Variants in PLBD1 observed in about 807,000 individuals in gnomAD.
PLBD1 encodes the protein phospholipase B domain containing 1.
A neutral mutation model predicts 63.0 loss-of-function variants in PLBD1; 60 were observed. The observed-to-expected ratio is 0.95, with a 90% CI of 0.77 to 1.18. The LOEUF (loss-of-function observed/expected upper bound fraction) is 1.18, where lower values mean the gene tolerates loss of function less well. PLBD1 is among the 50% of genes most tolerant of loss of function. The probability of loss-of-function intolerance (pLI) is 0.00; values close to 1 mark genes in which losing one functional copy is unlikely to be tolerated. For synonymous variants in PLBD1, 262 were observed against 248.0 expected (o/e 1.06, Z -0.53); for missense variants, 598 against 677.9 (o/e 0.88, Z 1.31).
intron 10 of PLBD1, among the ~76,000 whole-genome samples, chr12:14,504,371 T>G (rs1466615568): frequency 6.6e-6 from 1 of 152,226 alleles, no homozygotes; most frequent in Non-Finnish European, 1.5e-5. Flanking sequence ...AACAAAATTT[T>G]CTTGCCATTT....
At chr12:14,536,489 T>G in intron 5 of PLBD1, 81 bp downstream of exon 5, 55 of 1,465,512 alleles carry the variant, frequency 3.8e-5, no homozygotes, top group Middle Eastern at 1.8e-4. Flanking sequence ...CCAGGGGTGA[T>G]GAGATGTTGC....
chr12:14,517,335 C>T lies in PLBD1; in HGVS notation c.845-5624G>A, dbSNP rs550401539. 4.6e-5 allele frequency among the ~76,000 whole-genome samples: 7 copies of T among 152,070 alleles called. No homozygotes were observed. In the East Asian group the frequency reaches 5.8e-4, roughly 13 times the overall value. On this transcript the variant is annotated intron_variant, in intron 6 of 10. Coordinates refer to ENST00000240617, the MANE Select transcript of PLBD1 (RefSeq NM_024829.6). ...TAAATTTTTTAATTTTTTGTAGAGA[C>T]GGGGGTCTTGCTATGTTGCACAGCC...
chr12:14,567,624 GCA>G lies in PLBD1; in HGVS notation c.71_72del (p.Leu24ProfsTer27), dbSNP rs1945804421. 47 of 1,062,804 alleles carry G rather than the reference GCA, an allele frequency of 4.4e-5. No individual in the cohort carries two copies. The Middle Eastern group carries it at 1.1e-3, about 25-fold the overall frequency. 65.8% of individuals were successfully genotyped at this position (1,062,804 alleles called of 1,614,324 possible). ...QPPPLLLLLLLLPLLLVTAEP... is the reference protein window; with the variant it reads ...QPPPLLLLLLXLPLLLVTAEP... ...TCCGCGGTGACTAACAACAGCGGCA[GCA>G]GCAGCAGCAGCAGCAGAAGCGGTGG... On this transcript the variant is annotated frameshift_variant, in exon 1 of 11. Transcript: ENST00000240617. LOFTEE classifies it high-confidence loss of function.
chr12:14,523,470 G>GAA (rs57849917), intron 6 of PLBD1, among the ~76,000 whole-genome samples: 1 of 151,710 alleles, frequency 6.6e-6, no homozygotes, highest in Non-Finnish European at 1.5e-5. Flanking sequence ...CATAGAAAGA[G>GAA]AAAAAAATCT....
chr12:14,540,974 G>A (rs866252632), intron 3 of PLBD1, 72 bp from the exon 4 acceptor site: 3 of 1,424,656 alleles, frequency 2.1e-6, no homozygotes, highest in Middle Eastern at 1.8e-4. Flanking sequence ...AGCAGGCATT[G>A]AGAGATTATA....
chr12:14,531,108 TATG>T (rs1348632273), intron 6 of PLBD1: 3 of 152,244 alleles, frequency 2.0e-5, no homozygotes, highest in African/African-American at 4.8e-5. Flanking sequence ...ACATGTGAGA[TATG>T]ATGATTTATC....
intron 6 of PLBD1, among the ~76,000 whole-genome samples, chr12:14,531,604 C>CTA (rs1483098198): frequency 3.9e-5 from 6 of 152,262 alleles, no homozygotes; most frequent in Admixed American, 3.3e-4. Flanking sequence ...ACTCTTCAGG[C>CTA]TAATTGCTGC....
intron 1 of PLBD1, among the ~76,000 whole-genome samples, chr12:14,566,399 G>T (rs746959184): frequency 6.6e-5 from 10 of 152,090 alleles, no homozygotes; most frequent in Non-Finnish European, 1.3e-4. Flanking sequence ...TTTAGGAAGG[G>T]GCATCCTCCC....
chr12:14,534,951 A>C (rs561248195), intron 6 of PLBD1, among the ~76,000 whole-genome samples: 1 of 152,152 alleles, frequency 6.6e-6, no homozygotes, highest in East Asian at 1.9e-4. Context: ...GTCCATCTCT[A>C]CTTTTTCAAA....
intron 1 of PLBD1, among the ~76,000 whole-genome samples, chr12:14,564,093 T>A (rs996733816): frequency 3.9e-5 from 6 of 152,040 alleles, no homozygotes; most frequent in African/African-American, 9.7e-5. Flanking sequence ...TTTTTTTTTT[T>A]AATTAGCCAA....
intron 10 of PLBD1, among the ~76,000 whole-genome samples, chr12:14,505,499 T>C (rs761555934): frequency 6.6e-6 from 1 of 152,202 alleles, no homozygotes; most frequent in Non-Finnish European, 1.5e-5. Context: ...GGAAAAAAGT[T>C]CCTGATTTCC....
At chr12:14,504,701 GA>G (rs1412639835) in intron 10 of PLBD1, among the ~76,000 whole-genome samples, 1 of 152,208 alleles carries the variant, frequency 6.6e-6, no homozygotes, top group Non-Finnish European at 1.5e-5. Flanking sequence ...ACAAGAGTCT[GA>G]AAGTAGATAG....
intron 6 of PLBD1, among the ~76,000 whole-genome samples, chr12:14,526,917 A>G (rs1945420541): frequency 6.6e-6 from 1 of 152,210 alleles, no homozygotes; most frequent in African/African-American, 2.4e-5. Context: ...AGTTGCAGTG[A>G]GCTAAGATTG....
chr12:14,525,287 A>G (rs1031213818), intron 6 of PLBD1, among the ~76,000 whole-genome samples: 6 of 152,182 alleles, frequency 3.9e-5, no homozygotes, highest in African/African-American at 1.4e-4. Flanking sequence ...AATAAAATAA[A>G]ATAAACAAAA....
At position 14,540,816 on chromosome 12, in the gene PLBD1, A is replaced by G. The variant is rs1157773806; in HGVS notation, c.506T>C (p.Ile169Thr). 4 of 1,610,832 alleles carry G rather than the reference A, an allele frequency of 2.5e-6. No homozygotes were observed. The highest frequency in any genetic ancestry group is 2.5e-6 in the Non-Finnish European group (3 of 1,177,746). Residue 169 changes from isoleucine (I) to threonine (T), a missense_variant, in exon 4 of 11, where the codon ATA becomes ACA. Ile to Thr is a moderately conservative substitution (Grantham distance 89, BLOSUM62 -1). Coordinates refer to ENST00000240617, the MANE Select transcript of PLBD1 (RefSeq NM_024829.6). Reference sequence around the variant, plus strand: ...CTTTGCTCCTACATAGAGGCCATCTATTTGTGCCATCACATAGCCTGTATG... The same window carrying G: ...CTTTGCTCCTACATAGAGGCCATCTGTTTGTGCCATCACATAGCCTGTATG... Reference protein sequence around the residue: ...WRHTGYVMAQIDGLYVGAKKR... With the variant: ...WRHTGYVMAQTDGLYVGAKKR...
At chr12:14,505,509 C>T (rs1945246898) in intron 10 of PLBD1, among the ~76,000 whole-genome samples, 1 of 152,100 alleles carries the variant, frequency 6.6e-6, no homozygotes, top group Non-Finnish European at 1.5e-5. Context: ...TCCTGATTTC[C>T]ATAATGTAAA....
At chr12:14,522,463 C>G (rs1301498788) in intron 6 of PLBD1, among the ~76,000 whole-genome samples, 1 of 152,130 alleles carries the variant, frequency 6.6e-6, no homozygotes, top group Non-Finnish European at 1.5e-5. Flanking sequence ...CCTTTGAAAA[C>G]TATTCAAAAG....
At chr12:14,567,516 C>G (rs1945800764) in intron 1 of PLBD1, 66 bp downstream of exon 1, 2 of 1,411,816 alleles carry the variant, frequency 1.4e-6, no homozygotes, top group Non-Finnish European at 1.8e-6. Context: ...GGACGCGGGG[C>G]ACGGGCGCTA....
rs74068657 is a variant in PLBD1 at position 14,553,820 on chromosome 12, C to T, written c.116-408G>A. On this transcript the variant is annotated intron_variant, in intron 1 of 10. Transcript: ENST00000240617. Reference sequence around the variant, plus strand: ...CCGATCCTCCTCTATCAGGGATGATCGTCCTCTTTGACTGAGCGCTCAGCT... The same window carrying T: ...CCGATCCTCCTCTATCAGGGATGATTGTCCTCTTTGACTGAGCGCTCAGCT... The T allele has an allele frequency of 8.3e-3, 1,785 of 215,992 alleles. 30 individuals are homozygous for T. The highest frequency in any genetic ancestry group is 0.038 in the African/African-American group (1,678 of 43,952). The allele number at this position is 215,992 out of a possible 1,614,324, so 13.4% of individuals were successfully genotyped here. A position where few individuals can be genotyped will look rare whatever the true frequency, so the allele number is the denominator to read the frequency against.
Sources: allele counts gnomAD v4.1 joint callset (sites outside exome capture counted in the v4.1 genomes callset), GRCh38; gene constraint gnomAD v4.1.1; transcripts MANE v1.5; gene names NCBI Gene and HGNC (gene_info 2026-07-23, HGNC 2026-07-21).